BCL11A: variants seen among roughly 807,000 people sequenced by gnomAD.
The protein encoded by BCL11A is BCL11 transcription factor A, also known as B cell CLL/lymphoma 11A.
A neutral mutation model predicts 55.9 loss-of-function variants in BCL11A; 2 were observed. The observed-to-expected ratio is 0.04, with a 90% CI of 0.01 to 0.11. The LOEUF (loss-of-function observed/expected upper bound fraction) is 0.11, where lower values mean the gene tolerates loss of function less well. BCL11A is among the 10% of genes least tolerant of loss of function. BCL11A has a pLI of 1.00. For synonymous variants in BCL11A, 465 were observed against 473.4 expected (o/e 0.98, Z 0.23); for missense variants, 817 against 1,137.1 (o/e 0.72, Z 4.05).
Position 60,553,364 on chromosome 2 carries a change from A to T in BCL11A, c.-94T>A. 1 of 1,299,360 alleles carries T rather than the reference A, an allele frequency of 7.7e-7. No individual in the cohort carries two copies. 80.5% of individuals were successfully genotyped at this position (1,299,360 alleles called of 1,614,324 possible). A position where few individuals can be genotyped will look rare whatever the true frequency, so the allele number is the denominator to read the frequency against. On this transcript the variant is annotated 5_prime_UTR_variant, in exon 1 of 4. Transcript: ENST00000642384. ...CGGGAGAGCCGGGTTAGAAAGAAGG[A>T]GACTCCAGAGAAAATATCTTCATCA...
Position 60,459,984 on chromosome 2 carries a change from G to A in BCL11A, c.*420C>T. The A allele has an allele frequency of 1.9e-6, 2 of 1,067,288 alleles. No individual in the cohort carries two copies. Among genetic ancestry groups the A allele is most frequent in the Non-Finnish European group, 1.1e-6 (1 of 880,862 alleles). The allele number at this position is 1,067,288 out of a possible 1,614,324, so 66.1% of individuals were successfully genotyped here. A position where few individuals can be genotyped will look rare whatever the true frequency, so the allele number is the denominator to read the frequency against. ...AGAACGGAACTGGAAACAGCAACATGTTTGCTCAGCAACGAATTAGGGACA... is the reference window on the plus strand; with the variant it reads ...AGAACGGAACTGGAAACAGCAACATATTTGCTCAGCAACGAATTAGGGACA... On this transcript the variant is annotated 3_prime_UTR_variant, in exon 4 of 4. Transcript: ENST00000642384.
intron 2 of BCL11A, among the ~76,000 whole-genome samples, chr2:60,494,981 T>C (rs888753484): frequency 1.4e-4 from 22 of 152,280 alleles, no homozygotes; most frequent in African/African-American, 4.8e-4. Context: ...CTATATGTGA[T>C]GGATGGGTGG....
chr2:60,500,365 C>T (rs1447427926), intron 2 of BCL11A, among the ~76,000 whole-genome samples: 1 of 152,158 alleles, frequency 6.6e-6, no homozygotes, highest in African/African-American at 2.4e-5. Flanking sequence ...TCTGCTTCCC[C>T]GCCACCATTA....
At position 60,474,642 on chromosome 2, in the gene BCL11A, G is replaced by T. The variant is rs1449197893; in HGVS notation, c.386-5809C>A. ...CTGCATAAAAAGACAAATTGTCTTA[G>T]GACAATTTTTTTTTGTTTGTTTAAT... On this transcript the variant is annotated intron_variant, in intron 2 of 3. Transcript: ENST00000642384. Among the ~76,000 whole-genome samples the T allele has an allele frequency of 3.3e-5, 5 of 152,284 alleles. No individual in the cohort carries two copies. The East Asian group carries it at 9.6e-4, about 29-fold the overall frequency.
chr2:60,532,859 C>T (rs779448714), intron 2 of BCL11A: 2 of 152,156 alleles, frequency 1.3e-5, no homozygotes, highest in African/African-American at 2.4e-5. Context: ...TATGCAAAGC[C>T]ACATGATTTT....
chr2:60,517,003 T>C (rs1668762663), intron 2 of BCL11A, among the ~76,000 whole-genome samples: 1 of 152,168 alleles, frequency 6.6e-6, no homozygotes, highest in Non-Finnish European at 1.5e-5. Flanking sequence ...GAGAATGGAA[T>C]GAAGAATGTA....
chr2:60,540,529 C>T (rs1032872559), intron 2 of BCL11A, among the ~76,000 whole-genome samples: 3 of 152,142 alleles, frequency 2.0e-5, no homozygotes, highest in Admixed American at 6.5e-5. Context: ...CTGACCAGCA[C>T]GCAAAGCCAC....
intron 2 of BCL11A, among the ~76,000 whole-genome samples, chr2:60,505,330 G>A (rs1679525188): frequency 6.6e-6 from 1 of 152,212 alleles, no homozygotes; most frequent in Non-Finnish European, 1.5e-5. Flanking sequence ...TGTTCCAAAT[G>A]CCTGCTGCAG....
intron 2 of BCL11A, among the ~76,000 whole-genome samples, chr2:60,504,847 C>T (rs1423859876): frequency 3.3e-5 from 5 of 152,130 alleles, no homozygotes; most frequent in African/African-American, 9.7e-5. Flanking sequence ...GCCTCCCCTA[C>T]CAGTGAGCGC....
Position 60,460,752 on chromosome 2 carries a change from C to T in BCL11A, c.2160G>A (p.Gly720=), listed in dbSNP as rs1558611094. ...ISGRSGTGSG[G]STPHISGPGP... Reference sequence around the variant, plus strand: ...CCGGACCACTAATATGGGGCGTGCTCCCTCCACTTCCCGTGCCGCTGCGCC... The same window carrying T: ...CCGGACCACTAATATGGGGCGTGCTTCCTCCACTTCCCGTGCCGCTGCGCC... Residue 720 remains glycine (G), a synonymous_variant, in exon 4 of 4, where the codon GGG becomes GGA. Transcript: ENST00000642384. 1 of 1,613,954 alleles carries T rather than the reference C, an allele frequency of 6.2e-7. No individual in the cohort carries two copies. The highest frequency in any genetic ancestry group is 8.5e-7 in the Non-Finnish European group (1 of 1,180,044).
Position 60,461,601 on chromosome 2 carries a change from C to T in BCL11A, c.1311G>A (p.Lys437=), listed in dbSNP as rs145961985. Residue 437 remains lysine (K), a synonymous_variant, in exon 4 of 4, where the codon AAG becomes AAA. Coordinates refer to ENST00000642384, the MANE Select transcript of BCL11A (RefSeq NM_022893.4). ...TGGCGGTGGAGAGACCGTCGTCGGACTTGACCGTCATGGGGGACGATTTGT... is the reference window on the plus strand; with the variant it reads ...TGGCGGTGGAGAGACCGTCGTCGGATTTGACCGTCATGGGGGACGATTTGT... ...HMHKSSPMTV[K]SDDGLSTASS... 1.1e-4 allele frequency: 184 copies of T among 1,613,334 alleles called. 1 individual carries two copies. Among genetic ancestry groups the T allele is most frequent in the Admixed American group, 1.1e-3 (65 of 60,016 alleles).
In BCL11A at chr2:60,458,816, C is replaced by G; in HGVS notation, c.*1588G>C. 9.7e-7 allele frequency: 1 copy of G among 1,029,594 alleles called. No individual in the cohort carries two copies. Among genetic ancestry groups the G allele is most frequent in the Non-Finnish European group, 1.2e-6 (1 of 855,874 alleles). 63.8% of individuals were successfully genotyped at this position (1,029,594 alleles called of 1,614,324 possible). ...CAGATATCACAGGCAGAGTCAAGTG[C>G]TATTTGAACACCAACTGGGGCAGAT... On this transcript the variant is annotated 3_prime_UTR_variant, in exon 4 of 4. Coordinates refer to ENST00000642384, the MANE Select transcript of BCL11A (RefSeq NM_022893.4).
In BCL11A at chr2:60,546,564, C is replaced by T. The variant is rs909556275; in HGVS notation, c.56-264G>A. Among the ~76,000 whole-genome samples, 1 of 152,244 alleles carries T rather than the reference C, an allele frequency of 6.6e-6. No individual in the cohort carries two copies. ...CATAACTCCAGAGAACACACACACA[C>T]ACATATACCCATGCACACACCCACA... On this transcript the variant is annotated intron_variant, in intron 1 of 3. Coordinates refer to ENST00000642384, the MANE Select transcript of BCL11A (RefSeq NM_022893.4). This position sits in a 1 kb window ranked among gnomAD's most constrained non-coding sequence, Gnocchi z 4.1.
chr2:60,522,979 G>A (rs1325129526), intron 2 of BCL11A: 1 of 152,234 alleles, frequency 6.6e-6, no homozygotes, highest in East Asian at 1.9e-4. Context: ...ATCAGCCTCT[G>A]GAACTAGTGC....
At chr2:60,553,882 G>T (rs1296774206), upstream of BCL11A, 1 of 147,144 alleles carries the variant, frequency 6.8e-6, no homozygotes, top group East Asian at 2.1e-4. Context: ...GCTCACCAGT[G>T]GCCGCAGCGA....
intron 3 of BCL11A, among the ~76,000 whole-genome samples, chr2:60,468,095 GTGGTGGTGA>G (rs1676982547): frequency 6.7e-6 from 1 of 148,566 alleles, no homozygotes; most frequent in Non-Finnish European, 1.5e-5. Flanking sequence ...GGTTGTGGTG[GTGGTGGTGA>G]TGGTGGCAGT....
intron 2 of BCL11A, among the ~76,000 whole-genome samples, chr2:60,478,646 C>G (rs1484485968): frequency 3.3e-5 from 5 of 152,234 alleles, no homozygotes. Context: ...TAATTTAAGG[C>G]TTCAAAGCTC....
In BCL11A at chr2:60,461,912, C is replaced by T; in HGVS notation, c.1000G>A (p.Gly334Ser). Residue 334 changes from glycine to serine, a missense_variant, in exon 4 of 4, where the codon GGC becomes AGC. Physicochemically the swap from Gly to Ser is moderately conservative, Grantham distance 56 (BLOSUM62 0). Around this residue, in one of 4 missense-constraint regions of BCL11A, gnomAD observed 363 missense variants for 486.6 expected, o/e 0.75. Transcript: ENST00000642384. ...AACCTTTGCATAGGGCTGGGCCGGC[C>T]TGGGGACAGCGGTGGGCTAGACGTG... ...GNTSSPPLSP[G>S]RPSPMQRLLQ... 1 of 1,614,156 alleles carries T rather than the reference C, an allele frequency of 6.2e-7. No homozygotes were observed. The highest frequency in any genetic ancestry group is 1.1e-5 in the South Asian group (1 of 91,088).
At chr2:60,490,518 T>A (rs940656253) in intron 2 of BCL11A, among the ~76,000 whole-genome samples, 1 of 152,204 alleles carries the variant, frequency 6.6e-6, no homozygotes, top group Non-Finnish European at 1.5e-5. Context: ...CCTCCTGGAA[T>A]CCTGCTCATA....
Sources: gnomAD v4.1 joint callset for allele counts (sites outside exome capture counted in the v4.1 genomes callset) on GRCh38, gnomAD v4.1.1 for gene constraint, gnomAD v4.1.1 regional missense constraint, Gnocchi (gnomAD v3.1) non-coding constraint, MANE v1.5 for transcripts, NCBI Gene and HGNC (gene_info 2026-07-23, HGNC 2026-07-21) for gene names.